The following EFCAB6 variants were observed in gnomAD, a reference collection of about 807,000 sequenced individuals.
EFCAB6 encodes EF-hand calcium-binding domain-containing protein 6.
Under a neutral mutation model 169.8 loss-of-function variants are expected in EFCAB6, and 156 were observed. The observed-to-expected ratio is 0.92, with a 90% CI of 0.81 to 1.05. The LOEUF is 1.05. Among genes scored for constraint, EFCAB6 ranks in the 50% least tolerant of loss-of-function variants. EFCAB6 has a pLI of 0.00. For synonymous variants in EFCAB6, 698 were observed against 676.4 expected (o/e 1.03, Z -0.50); for missense variants, 1,800 against 1,829.1 (o/e 0.98, Z 0.29).
chr22:43,796,600 A>G (rs1219176524), intron 2 of EFCAB6, among the ~76,000 whole-genome samples: 1 of 152,148 alleles, frequency 6.6e-6, no homozygotes, highest in Non-Finnish European at 1.5e-5. Flanking sequence ...CGTGTCAGAA[A>G]CACTGACCAC....
chr22:43,628,874 A>C lies in EFCAB6; in HGVS notation c.2233-2195T>G, dbSNP rs904431803. 6.6e-6 allele frequency among the ~76,000 whole-genome samples: 1 copy of C among 152,116 alleles called. No homozygotes were observed. The highest frequency in any genetic ancestry group is 1.5e-5 in the Non-Finnish European group (1 of 68,008). ...CTGCACTTCCCCCTAGAACATAAGCATGAGTCTGGGCTCTGATCTGTTCCC... is the reference window on the plus strand; with the variant it reads ...CTGCACTTCCCCCTAGAACATAAGCCTGAGTCTGGGCTCTGATCTGTTCCC... On this transcript the variant is annotated intron_variant, in intron 19 of 31. Transcript: ENST00000262726. This position sits in a 1 kb window ranked among gnomAD's most constrained non-coding sequence, Gnocchi z 4.8.
At chr22:43,730,431 T>C (rs1460048749) in intron 8 of EFCAB6, among the ~76,000 whole-genome samples, 2 of 150,630 alleles carry the variant, frequency 1.3e-5, no homozygotes, top group South Asian at 2.1e-4. Context: ...GTCTACGACA[T>C]ATTGAAGGGG....
At chr22:43,598,330 A>ACAAC (rs2052213610) in intron 23 of EFCAB6, among the ~76,000 whole-genome samples, 3 of 150,208 alleles carry the variant, frequency 2.0e-5, no homozygotes, top group Admixed American at 6.6e-5. Flanking sequence ...AAAAAAAAAA[A>ACAAC]AAAAAAAAGG....
chr22:43,582,620 T>C (rs1274781822), intron 24 of EFCAB6, among the ~76,000 whole-genome samples: 1 of 152,062 alleles, frequency 6.6e-6, no homozygotes, highest in East Asian at 1.9e-4. Context: ...AGATGTGGGA[T>C]ATAGGAGACA....
chr22:43,760,203 CAAAA>C (rs371022953), intron 5 of EFCAB6, among the ~76,000 whole-genome samples: 1 of 104,660 alleles, frequency 9.6e-6, no homozygotes, highest in Non-Finnish European at 1.9e-5. Context: ...GACTCTGTCT[CAAAA>C]AAAAAAAAAA....
At chr22:43,530,040 A>G (rs1013548512) in intron 31 of EFCAB6, among the ~76,000 whole-genome samples, 2 of 152,192 alleles carry the variant, frequency 1.3e-5, no homozygotes, top group African/African-American at 4.8e-5. Context: ...ATTGGGCCCC[A>G]TGGGATGAAG....
intron 10 of EFCAB6, among the ~76,000 whole-genome samples, chr22:43,708,663 C>T (rs1052408866): frequency 3.3e-5 from 5 of 151,864 alleles, no homozygotes; most frequent in African/African-American, 9.7e-5. Flanking sequence ...AAAAGATATA[C>T]CTGACAAATA....
chr22:43,636,609 CTTTTT>C (rs907909699), intron 17 of EFCAB6, among the ~76,000 whole-genome samples: 2 of 126,298 alleles, frequency 1.6e-5, no homozygotes, highest in Admixed American at 7.9e-5. Context: ...CAGTTCTTTT[CTTTTT>C]TTTTTTTTTT....
At chr22:43,756,714 A>C (rs1168641838) in intron 5 of EFCAB6, among the ~76,000 whole-genome samples, 2 of 152,324 alleles carry the variant, frequency 1.3e-5, no homozygotes, top group African/African-American at 2.4e-5. Context: ...GCCATGAAGA[A>C]CATAAAGATG....
intron 6 of EFCAB6, among the ~76,000 whole-genome samples, chr22:43,754,875 C>T (rs914561010): frequency 6.6e-6 from 1 of 152,154 alleles, no homozygotes; most frequent in Non-Finnish European, 1.5e-5. Context: ...TGCAGAATAA[C>T]AAATGGGTCA....
intron 18 of EFCAB6, 46 bp downstream of exon 18, chr22:43,635,056 T>C (rs372039663): frequency 1.3e-6 from 2 of 1,502,966 alleles, no homozygotes; most frequent in African/African-American, 1.4e-5. Context: ...ACATGCAGTG[T>C]CACCCAGGAC....
chr22:43,697,311 T>C (rs1191523814), intron 10 of EFCAB6, among the ~76,000 whole-genome samples: 1 of 152,224 alleles, frequency 6.6e-6, no homozygotes, highest in Non-Finnish European at 1.5e-5. Context: ...CAAAGGTTTC[T>C]TTAATGACAT....
At chr22:43,733,184 G>A (rs2060015247) in intron 7 of EFCAB6, among the ~76,000 whole-genome samples, 1 of 152,120 alleles carries the variant, frequency 6.6e-6, no homozygotes, top group Non-Finnish European at 1.5e-5. Context: ...TTCATCTACG[G>A]TCTCTGTCTT....
intron 24 of EFCAB6, among the ~76,000 whole-genome samples, chr22:43,586,289 TG>T (rs2051057916): frequency 6.7e-6 from 1 of 148,410 alleles, no homozygotes; most frequent in South Asian, 2.1e-4. Flanking sequence ...TACTTAAAGG[TG>T]GGCTTAGGCT....
intron 27 of EFCAB6, among the ~76,000 whole-genome samples, chr22:43,543,091 C>T (rs913849504): frequency 1.3e-5 from 2 of 152,116 alleles, no homozygotes; most frequent in African/African-American, 2.4e-5. Flanking sequence ...ACAGTTCTTC[C>T]CCTGAGCCCA....
chr22:43,754,441 T>C (rs2060883378), intron 6 of EFCAB6, among the ~76,000 whole-genome samples: 1 of 152,274 alleles, frequency 6.6e-6, no homozygotes, highest in Admixed American at 6.5e-5. Context: ...TGGGCTACAG[T>C]CTGTGCTGGC....
At chr22:43,593,287 T>C (rs894640256) in intron 23 of EFCAB6, among the ~76,000 whole-genome samples, 2 of 152,196 alleles carry the variant, frequency 1.3e-5, no homozygotes, top group African/African-American at 4.8e-5. Context: ...CTGAGCTTGA[T>C]GATCTGAAAT....
chr22:43,655,466 T>G (rs2056688434), intron 17 of EFCAB6, among the ~76,000 whole-genome samples: 1 of 142,692 alleles, frequency 7.0e-6, no homozygotes. Context: ...ACAAAGCAAC[T>G]CATAAGCTAA....
intron 22 of EFCAB6, among the ~76,000 whole-genome samples, chr22:43,605,366 C>T (rs1218895160): frequency 6.6e-6 from 1 of 152,176 alleles, no homozygotes; most frequent in Non-Finnish European, 1.5e-5. Context: ...CACAAGGGGC[C>T]AGGCCTGGTG....
Sources: allele counts gnomAD v4.1 joint callset (sites outside exome capture counted in the v4.1 genomes callset), GRCh38; gene constraint gnomAD v4.1.1; non-coding constraint Gnocchi (gnomAD v3.1); transcripts MANE v1.5; gene names NCBI Gene and HGNC (gene_info 2026-07-23, HGNC 2026-07-21).